Variants in SCMH1 observed in about 807,000 individuals in gnomAD.
SCMH1 encodes Scm polycomb group protein homolog 1, also known as polycomb protein SCMH1.
Under a neutral mutation model 70.8 loss-of-function variants are expected in SCMH1, and 37 were observed. That is an observed-to-expected ratio of 0.52 (90% CI 0.40 to 0.69). SCMH1 has a LOEUF of 0.69. SCMH1 is among the 30% of genes least tolerant of loss of function. The pLI, the probability that SCMH1 is intolerant of heterozygous loss-of-function variation, is 0.00. For synonymous variants in SCMH1, 292 were observed against 307.4 expected (o/e 0.95, Z 0.52); for missense variants, 607 against 827.3 (o/e 0.73, Z 3.27).
At chr1:41,074,552 GAAAA>G (rs910494647) in intron 9 of SCMH1, among the ~76,000 whole-genome samples, 2 of 146,848 alleles carry the variant, frequency 1.4e-5, no homozygotes, top group Non-Finnish European at 3.0e-5. Flanking sequence ...CTGATTAAAA[GAAAA>G]AAAAAACATT....
At chr1:41,230,187 A>G (rs1048102348) in intron 1 of SCMH1, among the ~76,000 whole-genome samples, 1 of 152,172 alleles carries the variant, frequency 6.6e-6, no homozygotes, top group African/African-American at 2.4e-5. Context: ...TTGGTGGAGG[A>G]TAGGGTACAA....
rs774720998 is a variant in SCMH1, at chr1:41,028,144, A to C, written c.*50T>G. 3.1e-6 allele frequency: 5 copies of C among 1,610,868 alleles called. No homozygotes were observed. In the Admixed American group the frequency reaches 8.4e-5, roughly 27 times the overall value. The stretch of plus-strand genomic sequence containing the variant: ...TGGGCTGATGCCCCTCATTCCTAGA[A>C]GAATGCCCCCACCTGCTGCCACTTG... On this transcript the variant is annotated 3_prime_UTR_variant, in exon 15 of 15. Coordinates refer to ENST00000337495, the Ensembl canonical transcript of SCMH1.
At chr1:41,213,193 A>C (rs1657409108) in intron 1 of SCMH1, among the ~76,000 whole-genome samples, 1 of 152,236 alleles carries the variant, frequency 6.6e-6, no homozygotes, top group African/African-American at 2.4e-5. Flanking sequence ...ATTAGTTACA[A>C]ACCTTTTACA....
At chr1:41,107,276 T>C (rs1486477052) in intron 8 of SCMH1, among the ~76,000 whole-genome samples, 1 of 151,930 alleles carries the variant, frequency 6.6e-6, no homozygotes, top group Non-Finnish European at 1.5e-5. Flanking sequence ...CCTCTGTACT[T>C]TATTCCTCCA....
chr1:41,181,119 T>C (rs1341183311), intron 2 of SCMH1, among the ~76,000 whole-genome samples: 8 of 152,176 alleles, frequency 5.3e-5, no homozygotes, highest in Admixed American at 5.2e-4. Flanking sequence ...ATTTAATAAA[T>C]GGTGCTGGGA....
intron 10 of SCMH1, among the ~76,000 whole-genome samples, chr1:41,060,046 G>T (rs980666831): frequency 6.6e-6 from 1 of 151,660 alleles, no homozygotes; most frequent in African/African-American, 2.4e-5. Flanking sequence ...AAGAACTGTG[G>T]GATAACTATA....
intron 4 of SCMH1, among the ~76,000 whole-genome samples, chr1:41,152,012 A>G (rs2148336799): frequency 6.6e-6 from 1 of 152,314 alleles, no homozygotes; most frequent in African/African-American, 2.4e-5. Context: ...AGAATAGAAG[A>G]GGCAGAAAGT....
intron 2 of SCMH1, among the ~76,000 whole-genome samples, chr1:41,172,904 G>C (rs758498894): frequency 1.8e-4 from 27 of 151,972 alleles, no homozygotes; most frequent in Non-Finnish European, 3.7e-4. Flanking sequence ...AATAAAACTA[G>C]ATCCCTACCT....
intron 2 of SCMH1, among the ~76,000 whole-genome samples, chr1:41,164,992 CCTAT>C (rs1434358895): frequency 6.6e-6 from 1 of 152,068 alleles, no homozygotes; most frequent in African/African-American, 2.4e-5. Flanking sequence ...AACTACTCCT[CCTAT>C]CTAACTATAA....
chr1:41,145,332 T>C (rs1644456325), intron 5 of SCMH1, among the ~76,000 whole-genome samples: 1 of 152,166 alleles, frequency 6.6e-6, no homozygotes, highest in African/African-American at 2.4e-5. Flanking sequence ...AAAAACCCAC[T>C]GAACTGTCTT....
intron 10 of SCMH1, among the ~76,000 whole-genome samples, chr1:41,057,966 C>T (rs1341084198): frequency 6.6e-6 from 1 of 151,494 alleles, no homozygotes; most frequent in Non-Finnish European, 1.5e-5. Context: ...ACTAAAATTA[C>T]AAAAAATTAG....
intron 1 of SCMH1, among the ~76,000 whole-genome samples, chr1:41,204,785 C>G (rs1573040934): frequency 6.6e-6 from 1 of 152,192 alleles, no homozygotes; most frequent in Non-Finnish European, 1.5e-5. Flanking sequence ...ATTTGTCTCT[C>G]TCACTGGGGT....
intron 12 of SCMH1, among the ~76,000 whole-genome samples, chr1:41,042,337 C>T (rs886406221): frequency 6.6e-6 from 1 of 152,056 alleles, no homozygotes; most frequent in African/African-American, 2.4e-5. Flanking sequence ...CAACCTCCGC[C>T]TCCCAGGTTC....
Position 41,113,225 on chromosome 1 carries a change from G to C in SCMH1, c.745+58C>G. The C allele has an allele frequency of 6.3e-7, 1 of 1,577,254 alleles. No individual in the cohort carries two copies. Among genetic ancestry groups the C allele is most frequent in the South Asian group, 1.2e-5 (1 of 84,664 alleles). ...GTGAAGATATGATCATGACAGCCCTGGGTAGTCTCCCTTATCATCTGGGTC... is the reference window on the plus strand; with the variant it reads ...GTGAAGATATGATCATGACAGCCCTCGGTAGTCTCCCTTATCATCTGGGTC... On this transcript the variant is annotated intron_variant, in intron 8 of 14. Coordinates refer to ENST00000337495, the Ensembl canonical transcript of SCMH1. This position sits in a 1 kb window ranked among gnomAD's most constrained non-coding sequence, Gnocchi z 4.3.
chr1:41,052,101 A>G (rs1396378263), intron 10 of SCMH1, among the ~76,000 whole-genome samples: 2 of 152,368 alleles, frequency 1.3e-5, no homozygotes, highest in East Asian at 1.9e-4. Flanking sequence ...GCAACTGCCT[A>G]TAGCACAGTA....
chr1:41,135,522 G>T (rs111811984), intron 6 of SCMH1, among the ~76,000 whole-genome samples: 444 of 152,252 alleles, frequency 2.9e-3, no homozygotes, highest in African/African-American at 0.01. Flanking sequence ...GGATGTGTTT[G>T]CTTCCCCTTC....
At chr1:41,213,878 G>A (rs1009594759) in intron 1 of SCMH1, among the ~76,000 whole-genome samples, 1 of 147,654 alleles carries the variant, frequency 6.8e-6, no homozygotes, top group South Asian at 2.2e-4. Flanking sequence ...CCCTATAATT[G>A]CTTACATTTT....
At chr1:41,150,653 A>G (rs1046107596) in intron 5 of SCMH1, among the ~76,000 whole-genome samples, 2 of 151,856 alleles carry the variant, frequency 1.3e-5, no homozygotes, top group South Asian at 2.1e-4. Context: ...ACAAAATTCT[A>G]TGGCCGGGCA....
intron 8 of SCMH1, among the ~76,000 whole-genome samples, chr1:41,082,024 T>G (rs1660180275): frequency 6.6e-6 from 1 of 152,086 alleles, no homozygotes; most frequent in African/African-American, 2.4e-5. Flanking sequence ...AAATTAAACT[T>G]GAGTTCTATT....
Sources: allele counts gnomAD v4.1 joint callset (sites outside exome capture counted in the v4.1 genomes callset), GRCh38; gene constraint gnomAD v4.1.1; non-coding constraint Gnocchi (gnomAD v3.1); transcripts MANE v1.5; gene names NCBI Gene and HGNC (gene_info 2026-07-23, HGNC 2026-07-21).